Variants in ICE1 observed in about 807,000 individuals in gnomAD.
ICE1 encodes little elongation complex subunit 1.
A neutral mutation model predicts 192.7 loss-of-function variants in ICE1; 64 were observed. The observed-to-expected ratio is 0.33, with a 90% CI of 0.27 to 0.41. The LOEUF is 0.41. Ranked by LOEUF, ICE1 falls within the 10% of genes least tolerant of loss-of-function variation. The pLI, the probability that ICE1 is intolerant of heterozygous loss-of-function variation, is 1.00. For missense variants in ICE1, 2,708 were observed against 2,696.0 expected (o/e 1.00, Z -0.10); for synonymous variants, 1,010 against 984.5 (o/e 1.03, Z -0.49).
In ICE1 at chr5:5,447,917, T is replaced by C. The variant is rs1424981946; in HGVS notation, c.604+20T>C. 6.5e-7 allele frequency: 1 copy of C among 1,539,406 alleles called. No homozygotes were observed. Among genetic ancestry groups the C allele is most frequent in the Non-Finnish European group, 8.8e-7 (1 of 1,134,112 alleles). ...ATAAAAGTGAGTATATTGCAACTTTTGTTTTAATGTTGTGTATTGCTCTTA... is the reference window on the plus strand; with the variant it reads ...ATAAAAGTGAGTATATTGCAACTTTCGTTTTAATGTTGTGTATTGCTCTTA... On this transcript the variant is annotated intron_variant, in intron 10 of 18. Coordinates refer to ENST00000296564, the MANE Select transcript of ICE1 (RefSeq NM_015325.3).
Position 5,463,363 on chromosome 5 carries a change from G to T in ICE1, c.4029G>T (p.Gln1343His). The T allele has an allele frequency of 2.5e-6, 4 of 1,613,852 alleles. No individual in the cohort carries two copies. Among genetic ancestry groups the T allele is most frequent in the Non-Finnish European group, 3.4e-6 (4 of 1,179,874 alleles). The stretch of plus-strand genomic sequence containing the variant: ...GTATGCCTCAGAATGAAAACCCTCA[G>T]AGCAGACCAGAGGCCCGTTCAGATG... ...ISGMPQNENP[Q>H]SRPEARSDAG... The change falls in exon 13 of 19, where the codon CAG becomes CAT. Residue 1343 changes from glutamine (Q) to histidine (H), a missense_variant. Physicochemically the swap from Gln to His is conservative, Grantham distance 24 (BLOSUM62 0). This residue lies in a region of ICE1 where 2,366 missense variants were observed against 2,276.6 expected (regional missense o/e 1.04). Coordinates refer to ENST00000296564, the MANE Select transcript of ICE1 (RefSeq NM_015325.3).
In ICE1 at chr5:5,464,634, A is replaced by C. The variant is rs1332279003; in HGVS notation, c.5300A>C (p.Asn1767Thr). Residue 1767 changes from asparagine (N) to threonine (T), a missense_variant, in exon 13 of 19, where the codon AAC becomes ACC. Asn to Thr is a moderately conservative substitution (Grantham distance 65, BLOSUM62 0). Coordinates refer to ENST00000296564, the MANE Select transcript of ICE1 (RefSeq NM_015325.3). The surrounding 1 kb of genome is among the most constrained non-coding windows in gnomAD (Gnocchi z 4.0). ...PELSARARTL[N>T]ILKGNIQLTR... ...TTATCTGCCAGGGCCCGGACCCTCA[A>C]CATCCTCAAAGGGAATATTCAACTC... The C allele has an allele frequency of 6.2e-7, 1 of 1,613,318 alleles. No individual in the cohort carries two copies. Among genetic ancestry groups the C allele is most frequent in the Non-Finnish European group, 8.5e-7 (1 of 1,179,654 alleles).
Position 5,437,197 on chromosome 5 carries a change from A to G in ICE1, c.178+83A>G, listed in dbSNP as rs546457986. On this transcript the variant is annotated intron_variant, in intron 3 of 18. Coordinates refer to ENST00000296564, the MANE Select transcript of ICE1 (RefSeq NM_015325.3). ...GAAAGAGATGTGAGAATTGTTCCTC[A>G]TAGGCCTTCTGGAAGATAGTACTTA... is the stretch of plus-strand genomic sequence containing the variant. The G allele has an allele frequency of 4.7e-6, 5 of 1,072,366 alleles. No individual in the cohort carries two copies. In the African/African-American group the frequency reaches 6.3e-5, roughly 14 times the overall value. 66.4% of individuals were successfully genotyped at this position (1,072,366 alleles called of 1,614,324 possible). A position where few individuals can be genotyped will look rare whatever the true frequency, so the allele number is the denominator to read the frequency against.
rs925864919 is a variant in ICE1 at position 5,422,798 on chromosome 5, G to A, written c.-118G>A. On this transcript the variant is annotated 5_prime_UTR_variant, in exon 1 of 19. Coordinates refer to ENST00000296564, the MANE Select transcript of ICE1 (RefSeq NM_015325.3). Reference sequence around the variant, plus strand: ...CCTCTGTGCACGGATGGACCCGCCCGGACCTGGCGGGAAGCGGCCTGGCAG... The same window carrying A: ...CCTCTGTGCACGGATGGACCCGCCCAGACCTGGCGGGAAGCGGCCTGGCAG... 1.4e-4 allele frequency: 95 copies of A among 670,156 alleles called. 1 individual carries two copies. In the South Asian group the frequency reaches 3.7e-3, roughly 26 times the overall value. 41.5% of individuals were successfully genotyped at this position (670,156 alleles called of 1,614,324 possible). A position where few individuals can be genotyped will look rare whatever the true frequency, so the allele number is the denominator to read the frequency against.
At position 5,464,633 on chromosome 5, in the gene ICE1, A is replaced by G; in HGVS notation, c.5299A>G (p.Asn1767Asp). 3.1e-6 allele frequency: 5 copies of G among 1,613,420 alleles called. No homozygotes were observed. The highest frequency in any genetic ancestry group is 4.2e-6 in the Non-Finnish European group (5 of 1,179,634). The change falls in exon 13 of 19, where the codon AAC becomes GAC. Residue 1767 changes from asparagine (N) to aspartate (D), a missense_variant. This residue lies in a region of ICE1 where 2,366 missense variants were observed against 2,276.6 expected (regional missense o/e 1.04). Coordinates refer to ENST00000296564, the MANE Select transcript of ICE1 (RefSeq NM_015325.3). This position sits in a 1 kb window ranked among gnomAD's most constrained non-coding sequence, Gnocchi z 4.0. Reference protein sequence around the residue: ...PELSARARTLNILKGNIQLTR... With the variant: ...PELSARARTLDILKGNIQLTR... ...GTTATCTGCCAGGGCCCGGACCCTCAACATCCTCAAAGGGAATATTCAACT... is the reference window on the plus strand; with the variant it reads ...GTTATCTGCCAGGGCCCGGACCCTCGACATCCTCAAAGGGAATATTCAACT...
intron 11 of ICE1, among the ~76,000 whole-genome samples, chr5:5,455,458 T>A (rs1195088086): frequency 6.6e-6 from 1 of 152,242 alleles, no homozygotes; most frequent in Non-Finnish European, 1.5e-5. Context: ...TTCATCTGTT[T>A]AGGCAGAAGC....
At position 5,489,401 on chromosome 5, in the gene ICE1, G is replaced by GA; in HGVS notation, c.*73dup. ...ACACAAATAGTTTGATCAGCTTTCA[G>GA]AATACAAAGGGAGGTTTCAAAACAA... On this transcript the variant is annotated 3_prime_UTR_variant, in exon 19 of 19. Transcript: ENST00000296564. 1 of 1,323,860 alleles carries GA rather than the reference G, an allele frequency of 7.6e-7. No individual in the cohort carries two copies. Among genetic ancestry groups the GA allele is most frequent in the Non-Finnish European group, 1.0e-6 (1 of 978,594 alleles). The allele number at this position is 1,323,860 out of a possible 1,614,324, so 82.0% of individuals were successfully genotyped here.
chr5:5,474,241 T>C (rs1257962028), intron 16 of ICE1, among the ~76,000 whole-genome samples: 3 of 151,824 alleles, frequency 2.0e-5, no homozygotes, highest in East Asian at 1.9e-4. Context: ...AATGCTACCT[T>C]CATCCCTATC....
intron 16 of ICE1, 40 bp downstream of exon 16, chr5:5,473,788 T>C (rs1346443035): frequency 4.3e-6 from 6 of 1,410,980 alleles, no homozygotes; most frequent in African/African-American, 2.9e-5. Context: ...TATGTTATTG[T>C]AAGGTTGAAT....
intron 6 of ICE1, 63 bp from the exon 7 acceptor site, chr5:5,444,226 A>T: frequency 9.7e-7 from 1 of 1,026,212 alleles, no homozygotes. Flanking sequence ...GCCACAAATT[A>T]TAAGGCATAT....
At chr5:5,454,974 G>A (rs528315550) in intron 11 of ICE1, among the ~76,000 whole-genome samples, 4 of 152,228 alleles carry the variant, frequency 2.6e-5, no homozygotes, top group South Asian at 4.1e-4. Context: ...CTTTAGCTTC[G>A]TTTATTTTTA....
intron 17 of ICE1, among the ~76,000 whole-genome samples, chr5:5,478,375 A>G (rs1473524099): frequency 6.6e-6 from 1 of 152,248 alleles, no homozygotes; most frequent in East Asian, 1.9e-4. Flanking sequence ...TACAAAGAGA[A>G]TAAAATGCCT....
intron 1 of ICE1, 22 bp downstream of exon 1, chr5:5,423,021 CG>C: frequency 7.4e-7 from 1 of 1,347,504 alleles, no homozygotes; most frequent in Non-Finnish European, 9.6e-7. Flanking sequence ...CCCGGGGCCC[CG>C]GGCGCGGGGG....
chr5:5,436,957 C>G lies in ICE1; in HGVS notation c.144-123C>G, dbSNP rs932089840. ...TAAGGTGATATAGTCATTAATTTAG[C>G]ATGCATTTGTTTCAGGAAATCTAGG... On this transcript the variant is annotated intron_variant, in intron 2 of 18. Transcript: ENST00000296564. The G allele has an allele frequency of 4.6e-6, 3 of 659,174 alleles. No individual in the cohort carries two copies. The African/African-American group carries it at 5.5e-5, about 12-fold the overall frequency. The allele number at this position is 659,174 out of a possible 1,614,324, so 40.8% of individuals were successfully genotyped here.
intron 7 of ICE1, among the ~76,000 whole-genome samples, chr5:5,446,256 A>C (rs527345424): frequency 6.6e-6 from 1 of 151,058 alleles, no homozygotes; most frequent in South Asian, 2.1e-4. Flanking sequence ...TCAGTCTCCC[A>C]AAGTGCTGAT....
At chr5:5,429,650 A>G (rs1452451039) in intron 1 of ICE1, among the ~76,000 whole-genome samples, 1 of 152,200 alleles carries the variant, frequency 6.6e-6, no homozygotes, top group Non-Finnish European at 1.5e-5. Context: ...CTATATACTT[A>G]CTACCTTAGC....
At chr5:5,444,466 C>G (rs1738149018) in intron 7 of ICE1, 140 bp downstream of exon 7, 2 of 584,372 alleles carry the variant, frequency 3.4e-6, no homozygotes, top group African/African-American at 1.9e-5. Flanking sequence ...ATCAAGGGGT[C>G]TATTAGAAAG....
chr5:5,473,492 A>G, intron 15 of ICE1, 66 bp from the exon 16 acceptor site: 1 of 1,357,192 alleles, frequency 7.4e-7, no homozygotes. Context: ...AGTCTTTTAG[A>G]TAACTAAGGT....
chr5:5,451,491 A>G lies in ICE1; in HGVS notation c.605-3061A>G, dbSNP rs113424561. On this transcript the variant is annotated intron_variant, in intron 10 of 18. Coordinates refer to ENST00000296564, the MANE Select transcript of ICE1 (RefSeq NM_015325.3). ...TCTTTGGTAAACTTTGATTAAACAA[A>G]CAAACAGAAGGAAAAACAGCACCAG... Among the ~76,000 whole-genome samples the G allele has an allele frequency of 5.3e-3, 810 of 152,260 alleles. 6 individuals carry two copies. Among genetic ancestry groups the G allele is most frequent in the East Asian group, 0.027 (141 of 5,182 alleles).
Sources: allele counts gnomAD v4.1 joint callset (sites outside exome capture counted in the v4.1 genomes callset), GRCh38; gene constraint gnomAD v4.1.1; regional missense constraint gnomAD v4.1.1; non-coding constraint Gnocchi (gnomAD v3.1); transcripts MANE v1.5; gene names NCBI Gene and HGNC (gene_info 2026-07-23, HGNC 2026-07-21).